The following GPR158 variants were observed in gnomAD, a reference collection of about 807,000 sequenced individuals.
GPR158 encodes the protein metabotropic glycine receptor.
A neutral mutation model predicts 78.2 loss-of-function variants in GPR158; 30 were observed. The observed-to-expected ratio is 0.38, with a 90% CI of 0.29 to 0.52. The LOEUF (loss-of-function observed/expected upper bound fraction) is 0.52. Among genes scored for constraint, GPR158 ranks in the 20% least tolerant of loss-of-function variants. The probability of loss-of-function intolerance (pLI) is 0.83; values close to 1 mark genes in which losing one functional copy is unlikely to be tolerated. For synonymous variants in GPR158, 581 were observed against 591.1 expected (o/e 0.98, Z 0.25); for missense variants, 1,463 against 1,523.5 (o/e 0.96, Z 0.66).
chr10:25,268,348 A>G (rs1854070848), intron 2 of GPR158, among the ~76,000 whole-genome samples: 1 of 152,136 alleles, frequency 6.6e-6, no homozygotes, highest in African/African-American at 2.4e-5. Context: ...AAACTTTAGT[A>G]TATCTGTGAA....
chr10:25,443,441 G>C (rs1835095333), intron 4 of GPR158, among the ~76,000 whole-genome samples: 1 of 151,300 alleles, frequency 6.6e-6, no homozygotes, highest in African/African-American at 2.4e-5. Context: ...TGTAATCCCA[G>C]TTACTTGGGA....
intron 1 of GPR158, among the ~76,000 whole-genome samples, chr10:25,209,670 A>T (rs939432787): frequency 6.6e-6 from 1 of 152,240 alleles, no homozygotes; most frequent in African/African-American, 2.4e-5. Context: ...CTTTGGCTCC[A>T]AAATCCTATC....
At chr10:25,378,532 T>A (rs1414423417) in intron 2 of GPR158, among the ~76,000 whole-genome samples, 1 of 152,112 alleles carries the variant, frequency 6.6e-6, no homozygotes, top group Non-Finnish European at 1.5e-5. Context: ...ATGCTCTTTT[T>A]TCCTCTTTTC....
chr10:25,193,296 G>A (rs1407826085), intron 1 of GPR158, among the ~76,000 whole-genome samples: 2 of 152,192 alleles, frequency 1.3e-5, no homozygotes, highest in African/African-American at 4.8e-5. Flanking sequence ...GAATGGCTGA[G>A]GGGTAGGGTA....
At chr10:25,590,419 GCT>G (rs1283702670) in intron 8 of GPR158, among the ~76,000 whole-genome samples, 1 of 152,036 alleles carries the variant, frequency 6.6e-6, no homozygotes, top group Non-Finnish European at 1.5e-5. Context: ...AGGAAGAAAT[GCT>G]TTTTCAGCTA....
In GPR158 at chr10:25,598,996, G is replaced by C. The variant is rs1047586610; in HGVS notation, c.3370G>C (p.Ala1124Pro). ...AGQSEELPPK[A>P]VASKTENENL... ...GCAGAGCGAAGAACTGCCCCCCAAA[G>C]CTGTAGCATCAAAAACAGAGAATGA... The change falls in exon 11 of 11, where the codon GCT (alanine) becomes CCT (proline). Residue 1124 changes from alanine to proline, a missense_variant. Transcript: ENST00000376351. 3 of 1,614,164 alleles carry C rather than the reference G, an allele frequency of 1.9e-6. No individual in the cohort carries two copies. Among genetic ancestry groups the C allele is most frequent in the Admixed American group, 3.3e-5 (2 of 60,016 alleles).
chr10:25,236,084 A>C (rs1564398020), intron 2 of GPR158, among the ~76,000 whole-genome samples: 1 of 152,140 alleles, frequency 6.6e-6, no homozygotes, highest in Non-Finnish European at 1.5e-5. Flanking sequence ...GTTTGTATCG[A>C]TCTTCTATGC....
At chr10:25,503,596 G>C (rs1835970751) in intron 5 of GPR158, among the ~76,000 whole-genome samples, 2 of 152,132 alleles carry the variant, frequency 1.3e-5, no homozygotes, top group African/African-American at 4.8e-5. Flanking sequence ...GAATCTCTGG[G>C]TATATTATTC....
chr10:25,456,412 T>C (rs1365463244), intron 4 of GPR158, among the ~76,000 whole-genome samples: 1 of 152,214 alleles, frequency 6.6e-6, no homozygotes, highest in Non-Finnish European at 1.5e-5. Flanking sequence ...CTTCCAAGCA[T>C]ACTACAGAGG....
At chr10:25,241,307 T>TC (rs1380153936) in intron 2 of GPR158, among the ~76,000 whole-genome samples, 12 of 138,266 alleles carry the variant, frequency 8.7e-5, no homozygotes, top group African/African-American at 3.3e-4. Context: ...TTCTTTTCTT[T>TC]TCTTTTCTCT....
chr10:25,415,614 A>C (rs1349126144), intron 4 of GPR158, among the ~76,000 whole-genome samples: 2 of 152,080 alleles, frequency 1.3e-5, no homozygotes, highest in East Asian at 3.9e-4. Flanking sequence ...TAAAAATTGA[A>C]GTATGATATG....
In GPR158 at chr10:25,596,683, C is replaced by T; in HGVS notation, c.2039C>T (p.Thr680Ile). Reference sequence around the variant, plus strand: ...AATAACCCACGAGATGATATTGCTACAGAAGCATATGAGGATGAGCTAGAC... The same window carrying T: ...AATAACCCACGAGATGATATTGCTATAGAAGCATATGAGGATGAGCTAGAC... ...SSNNPRDDIATEAYEDELDMG... is the reference protein window; with the variant it reads ...SSNNPRDDIAIEAYEDELDMG... Residue 680 changes from threonine (T) to isoleucine (I), a missense_variant, in exon 10 of 11, where the codon ACA (threonine) becomes ATA (isoleucine). Thr to Ile is a moderately conservative substitution (Grantham distance 89, BLOSUM62 -1). Transcript: ENST00000376351. 1.2e-6 allele frequency: 2 copies of T among 1,613,310 alleles called. No individual in the cohort carries two copies. Among genetic ancestry groups the T allele is most frequent in the East Asian group, 2.2e-5 (1 of 44,866 alleles).
chr10:25,248,454 C>G (rs993775934), intron 2 of GPR158, among the ~76,000 whole-genome samples: 1 of 151,710 alleles, frequency 6.6e-6, no homozygotes, highest in Non-Finnish European at 1.5e-5. Flanking sequence ...TTAGGTCTAA[C>G]ATTTAAATCT....
intron 4 of GPR158, among the ~76,000 whole-genome samples, chr10:25,415,042 A>G (rs1376962680): frequency 6.6e-6 from 1 of 152,164 alleles, no homozygotes; most frequent in Non-Finnish European, 1.5e-5. Context: ...TGGATCATAG[A>G]TCGAAATGAG....
intron 4 of GPR158, among the ~76,000 whole-genome samples, chr10:25,435,477 TTATGTC>T (rs1369679915): frequency 6.6e-6 from 1 of 151,794 alleles, no homozygotes; most frequent in African/African-American, 2.4e-5. Context: ...AAAAAGAAAA[TTATGTC>T]TATGAAGGCA....
At chr10:25,301,689 C>G (rs1397083335) in intron 2 of GPR158, among the ~76,000 whole-genome samples, 1 of 71,210 alleles carries the variant, frequency 1.4e-5, no homozygotes, top group Non-Finnish European at 3.1e-5. Flanking sequence ...CAAATTGATA[C>G]CTTTGACACA....
intron 2 of GPR158, among the ~76,000 whole-genome samples, chr10:25,373,441 A>T (rs558482685): frequency 1.3e-4 from 20 of 152,040 alleles, no homozygotes; most frequent in African/African-American, 4.6e-4. Flanking sequence ...TGTAATAATT[A>T]TTGCTATAGA....
Position 25,395,954 on chromosome 10 carries a change from A to C in GPR158, c.1052A>C (p.Glu351Ala), listed in dbSNP as rs2130528824. Residue 351 changes from glutamate to alanine, a missense_variant, in exon 3 of 11, where the codon GAG becomes GCG. By Grantham distance (107) the Glu-to-Ala change is moderately radical. Transcript: ENST00000376351. The stretch of plus-strand genomic sequence containing the variant: ...CTAGGATTCGTTCTTGGAGCCTATG[A>C]GTGCATTTGCAAAGCAGGATTCTAT... ...KGLGFVLGAY[E>A]CICKAGFYHP... 1 of 1,609,582 alleles carries C rather than the reference A, an allele frequency of 6.2e-7. No homozygotes were observed. The highest frequency in any genetic ancestry group is 8.5e-7 in the Non-Finnish European group (1 of 1,175,980).
chr10:25,504,943 CT>C (rs965651772), intron 5 of GPR158, among the ~76,000 whole-genome samples: 1 of 152,136 alleles, frequency 6.6e-6, no homozygotes, highest in African/African-American at 2.4e-5. Context: ...TAAAGTAATA[CT>C]GCCTGGAATT....
Sources: allele counts gnomAD v4.1 joint callset (sites outside exome capture counted in the v4.1 genomes callset), GRCh38; gene constraint gnomAD v4.1.1; transcripts MANE v1.5; gene names NCBI Gene and HGNC (gene_info 2026-07-23, HGNC 2026-07-21).